Variants in ARAP2 observed in about 807,000 individuals in gnomAD.
ARAP2 encodes the protein ArfGAP with RhoGAP domain, ankyrin repeat and PH domain 2.
A neutral mutation model predicts 194.5 loss-of-function variants in ARAP2; 148 were observed. The ratio of observed to expected loss-of-function variants is 0.76; its 90% CI spans 0.67 to 0.87. The LOEUF is 0.87. Ranked by LOEUF, ARAP2 falls within the 40% of genes least tolerant of loss-of-function variation. The pLI, the probability that ARAP2 is intolerant of heterozygous loss-of-function variation, is 0.00. For synonymous variants in ARAP2, 695 were observed against 683.5 expected (o/e 1.02, Z -0.26); for missense variants, 2,128 against 1,989.7 (o/e 1.07, Z -1.32).
At position 36,229,199 on chromosome 4, in the gene ARAP2, T is replaced by C. The variant is rs1377606170; in HGVS notation, c.288A>G (p.Pro96=). 7 of 1,614,160 alleles carry C rather than the reference T, an allele frequency of 4.3e-6. No individual in the cohort carries two copies. The East Asian group carries it at 6.7e-5, about 15-fold the overall frequency. ...NDDPSKDYHV[P]SSDQNICIEL... ...CTATGCAGATATTCTGATCAGAAGA[T>C]GGAACATGGTAATCCTTTGAAGGGT... The change falls in exon 2 of 33, where the codon CCA becomes CCG. Residue 96 remains proline (P), a synonymous_variant. Coordinates refer to ENST00000303965, the MANE Select transcript of ARAP2 (RefSeq NM_015230.4).
chr4:36,198,531 G>A (rs1223010553), intron 6 of ARAP2, among the ~76,000 whole-genome samples: 1 of 152,238 alleles, frequency 6.6e-6, no homozygotes, highest in Non-Finnish European at 1.5e-5. Flanking sequence ...GGTGTCTGCA[G>A]GCCAGTGCTG....
chr4:36,182,259 A>G (rs1347059163), intron 8 of ARAP2, among the ~76,000 whole-genome samples: 12 of 152,134 alleles, frequency 7.9e-5, no homozygotes, highest in Admixed American at 7.9e-4. Flanking sequence ...TTGGTAGGCC[A>G]AGGCTGGCAA....
At chr4:36,130,188 C>T (rs1725074199) in intron 20 of ARAP2, among the ~76,000 whole-genome samples, 2 of 151,916 alleles carry the variant, frequency 1.3e-5, no homozygotes, top group South Asian at 2.1e-4. Context: ...TTATGCAGCC[C>T]TCTGTGTGTC....
chr4:36,174,070 C>A (rs1316902922), intron 9 of ARAP2, among the ~76,000 whole-genome samples: 1 of 152,188 alleles, frequency 6.6e-6, no homozygotes, highest in Non-Finnish European at 1.5e-5. Context: ...CCCCAGAAAG[C>A]AGAGATCTTG....
chr4:36,087,413 G>C (rs946923137), intron 28 of ARAP2, among the ~76,000 whole-genome samples: 6 of 152,052 alleles, frequency 3.9e-5, no homozygotes, highest in African/African-American at 1.4e-4. Flanking sequence ...TCCACAACTT[G>C]AGGTCACTGT....
chr4:36,177,011 G>T (rs180830924), intron 9 of ARAP2, among the ~76,000 whole-genome samples: 1 of 151,652 alleles, frequency 6.6e-6, no homozygotes, highest in East Asian at 1.9e-4. Flanking sequence ...TATATTCTAG[G>T]CTGAAGGATT....
intron 8 of ARAP2, among the ~76,000 whole-genome samples, chr4:36,179,487 ACGTAAGAAGACC>A (rs1738731120): frequency 6.6e-6 from 1 of 152,212 alleles, no homozygotes; most frequent in African/African-American, 2.4e-5. Flanking sequence ...AGTAACCTGT[ACGTAAGAAGACC>A]CATGGAAATG....
At chr4:36,157,008 A>C (rs912959329) in intron 15 of ARAP2, among the ~76,000 whole-genome samples, 2 of 152,206 alleles carry the variant, frequency 1.3e-5, no homozygotes, top group Non-Finnish European at 2.9e-5. Flanking sequence ...TACTCAAGTA[A>C]ATTTAAAAAC....
rs1724426043 is a variant in ARAP2, at chr4:36,128,188, C to T, written c.3640+345G>A. 2.0e-5 allele frequency among the ~76,000 whole-genome samples: 3 copies of T among 151,806 alleles called. No individual in the cohort carries two copies. The South Asian group carries it at 6.2e-4, about 31-fold the overall frequency. ...TGCAAAATGTATCCTGTAGTAAATG[C>T]TTCATTTTATTTTTAATGAGAAATT... is the stretch of plus-strand genomic sequence containing the variant. On this transcript the variant is annotated intron_variant, in intron 21 of 32. Coordinates refer to ENST00000303965, the MANE Select transcript of ARAP2 (RefSeq NM_015230.4).
chr4:36,058,189 T>C (rs919671526), intron 1 of ARAP2: 2 of 152,238 alleles, frequency 1.3e-5, no homozygotes, highest in Non-Finnish European at 2.9e-5. Flanking sequence ...CTTAGTATCA[T>C]GAGACTACAA....
intron 27 of ARAP2, among the ~76,000 whole-genome samples, chr4:36,098,731 C>G (rs771006561): frequency 6.6e-6 from 1 of 151,966 alleles, no homozygotes; most frequent in Non-Finnish European, 1.5e-5. Context: ...TGATTCTGTA[C>G]AAATTTGATT....
intron 10 of ARAP2, 74 bp downstream of exon 10, chr4:36,166,858 A>G (rs918704639): frequency 3.8e-6 from 3 of 796,494 alleles, no homozygotes; most frequent in Admixed American, 6.2e-5. Context: ...AAAAATCACC[A>G]CGAACAACAT....
Position 36,114,184 on chromosome 4 carries a change from T to G in ARAP2, c.4142A>C (p.Glu1381Ala). 1 of 1,590,492 alleles carries G rather than the reference T, an allele frequency of 6.3e-7. No homozygotes were observed. Among genetic ancestry groups the G allele is most frequent in the Non-Finnish European group, 8.6e-7 (1 of 1,162,122 alleles). ...AAATCACTTACCTAGCTCTTCATTT[T>G]CAATGACTTCAAATGTGGCCCAAAT... is the stretch of plus-strand genomic sequence containing the variant. ...GDIWATFEVI[E>A]NEELERPLHY... The change falls in exon 26 of 33, where the codon GAA (glutamate) becomes GCA (alanine). Residue 1381 changes from glutamate (E) to alanine (A), a missense_variant. By Grantham distance (107) the Glu-to-Ala change is moderately radical. Coordinates refer to ENST00000303965, the MANE Select transcript of ARAP2 (RefSeq NM_015230.4).
intron 9 of ARAP2, among the ~76,000 whole-genome samples, chr4:36,171,940 C>T (rs1736760382): frequency 6.6e-6 from 1 of 151,990 alleles, no homozygotes; most frequent in East Asian, 1.9e-4. Flanking sequence ...TGATAGCAAG[C>T]TTTATTCTTA....
rs1478019288 is a variant in ARAP2, at chr4:36,068,222, G to A, written c.4800C>T (p.Ser1600=). 12 of 1,607,438 alleles carry A rather than the reference G, an allele frequency of 7.5e-6. No homozygotes were observed. Among genetic ancestry groups the A allele is most frequent in the Admixed American group, 6.8e-5 (4 of 58,670 alleles). Residue 1600 remains serine (S), a synonymous_variant, in exon 33 of 33, where the codon TCC becomes TCT. Transcript: ENST00000303965. ...LRLSEKCDKE[S]VDSSLKERAS... ...CTCTCTCCTTTAAGCTAGAGTCCAC[G>A]GACTCTTTATCACACTTTTCACTGA...
intron 5 of ARAP2, among the ~76,000 whole-genome samples, chr4:36,021,536 T>C (rs566798602): frequency 6.6e-6 from 1 of 152,322 alleles, no homozygotes; most frequent in South Asian, 2.1e-4. Context: ...CTCCTGATTT[T>C]ACCATATGAC....
At chr4:36,083,556 T>G (rs1301493162) in intron 28 of ARAP2, 106 bp from the exon 29 acceptor site, 7 of 777,394 alleles carry the variant, frequency 9.0e-6, no homozygotes, top group Non-Finnish European at 1.4e-5. Flanking sequence ...TCTCAGTGTT[T>G]CATAAAACAA....
At chr4:36,168,727 A>G (rs1184997084) in intron 9 of ARAP2, among the ~76,000 whole-genome samples, 1 of 152,200 alleles carries the variant, frequency 6.6e-6, no homozygotes, top group Non-Finnish European at 1.5e-5. Context: ...TCACTGTACT[A>G]GGAGAAACTA....
At chr4:36,200,782 C>T (rs745900244) in intron 6 of ARAP2, among the ~76,000 whole-genome samples, 9 of 152,088 alleles carry the variant, frequency 5.9e-5, no homozygotes, top group East Asian at 1.9e-4. Context: ...ATTCACTATC[C>T]GGCAACTAAT....
Sources: gnomAD v4.1 joint callset for allele counts (sites outside exome capture counted in the v4.1 genomes callset) on GRCh38, gnomAD v4.1.1 for gene constraint, MANE v1.5 for transcripts, NCBI Gene and HGNC (gene_info 2026-07-23, HGNC 2026-07-21) for gene names.